The following FASTKD1 variants were observed in gnomAD, a reference collection of about 807,000 sequenced individuals.
The protein encoded by FASTKD1 is FAST kinase domain-containing protein 1, mitochondrial.
A neutral mutation model predicts 90.9 loss-of-function variants in FASTKD1; 94 were observed. The observed-to-expected ratio is 1.03, with a 90% CI of 0.88 to 1.23. The LOEUF (loss-of-function observed/expected upper bound fraction) is 1.23. Among genes scored for constraint, FASTKD1 ranks in the 50% most tolerant of loss-of-function variants. The pLI is 0.00. For synonymous variants in FASTKD1, 319 were observed against 345.8 expected (o/e 0.92, Z 0.86); for missense variants, 945 against 993.5 (o/e 0.95, Z 0.66).
intron 5 of FASTKD1, among the ~76,000 whole-genome samples, chr2:169,557,658 T>C (rs1393429680): frequency 1.3e-5 from 2 of 152,222 alleles, no homozygotes; most frequent in African/African-American, 4.8e-5. Flanking sequence ...ACAGTTGATA[T>C]TCTGACAATT....
Position 169,538,161 on chromosome 2 carries a change from A to C in FASTKD1, c.1946-20T>G, listed in dbSNP as rs1684807034. ...ATAAAACTGAAATTAATAAAATACT[A>C]ATGAATTTTGATAGCTGAGACCTAG... On this transcript the variant is annotated intron_variant, in intron 10 of 14. Coordinates refer to ENST00000453153, the MANE Select transcript of FASTKD1 (RefSeq NM_024622.6). 6.3e-7 allele frequency: 1 copy of C among 1,579,910 alleles called. No individual in the cohort carries two copies. The highest frequency in any genetic ancestry group is 1.2e-5 in the South Asian group (1 of 84,476).
rs1309078449 is a variant in FASTKD1, at chr2:169,571,809, A to G, written c.221T>C (p.Met74Thr). The change falls in exon 2 of 15, where the codon ATG becomes ACG. Residue 74 changes from methionine (M) to threonine (T), a missense_variant. By Grantham distance (81) the Met-to-Thr change is moderately conservative. Transcript: ENST00000453153. ...SEKQVGCAFD[M>T]LWKLQKQKTS... is the part of the protein sequence containing the mutation. ...CTTCTGCTTTTGAAGCTTCCAAAGC[A>G]TATCAAATGCACATCCCACTTGCTT... 6 of 1,613,982 alleles carry G rather than the reference A, an allele frequency of 3.7e-6. No individual in the cohort carries two copies. The Admixed American group carries it at 5.0e-5, about 13-fold the overall frequency.
At position 169,529,034 on chromosome 2, in the gene FASTKD1, G is replaced by T. The variant is rs1329400732; in HGVS notation, c.*791C>A. ...CGATTTCATCTACTCTCATGGCATTGAATACTGCTGACATTTATACATTTA... is the reference window on the plus strand; with the variant it reads ...CGATTTCATCTACTCTCATGGCATTTAATACTGCTGACATTTATACATTTA... On this transcript the variant is annotated 3_prime_UTR_variant, in exon 15 of 15. Transcript: ENST00000453153. Among the ~76,000 whole-genome samples the T allele has an allele frequency of 2.6e-5, 4 of 152,048 alleles. No homozygotes were observed. In the South Asian group the frequency reaches 6.2e-4, roughly 24 times the overall value.
chr2:169,546,830 A>G, intron 7 of FASTKD1, 126 bp from the exon 8 acceptor site: 7 of 941,080 alleles, frequency 7.4e-6, no homozygotes, highest in East Asian at 2.7e-5. Flanking sequence ...CTTTCAAACT[A>G]TGTTTCTCCT....
Position 169,529,780 on chromosome 2 carries a change from A to G in FASTKD1, c.*45T>C, listed in dbSNP as rs777996597. On this transcript the variant is annotated 3_prime_UTR_variant, in exon 15 of 15. Transcript: ENST00000453153. Reference sequence around the variant, plus strand: ...AATTGAGACAGGCCACTTTATTAAAATAGGTCCAAATGTAACACACGATAA... The same window carrying G: ...AATTGAGACAGGCCACTTTATTAAAGTAGGTCCAAATGTAACACACGATAA... The G allele has an allele frequency of 2.2e-6, 3 of 1,379,476 alleles. No individual in the cohort carries two copies. Among genetic ancestry groups the G allele is most frequent in the Middle Eastern group, 1.9e-4 (1 of 5,400 alleles). 85.5% of individuals were successfully genotyped at this position (1,379,476 alleles called of 1,614,324 possible). A position where few individuals can be genotyped will look rare whatever the true frequency, so the allele number is the denominator to read the frequency against.
chr2:169,543,813 A>G (rs78042802), intron 9 of FASTKD1, among the ~76,000 whole-genome samples: 2 of 145,768 alleles, frequency 1.4e-5, no homozygotes, highest in Non-Finnish European at 3.0e-5. Context: ...AAAAGTTAAG[A>G]AAAAAAAAAA....
chr2:169,528,639 G>A lies in FASTKD1; in HGVS notation c.*1186C>T, dbSNP rs1172883843. ...TACCCCATTTCTTTGCTTCCATTTAGGAGAAAATGTATCTCCTCCCATTTT... is the reference window on the plus strand; with the variant it reads ...TACCCCATTTCTTTGCTTCCATTTAAGAGAAAATGTATCTCCTCCCATTTT... On this transcript the variant is annotated 3_prime_UTR_variant, in exon 15 of 15. Coordinates refer to ENST00000453153, the MANE Select transcript of FASTKD1 (RefSeq NM_024622.6). 6.6e-6 allele frequency among the ~76,000 whole-genome samples: 1 copy of A among 152,088 alleles called. No homozygotes were observed. Among genetic ancestry groups the A allele is most frequent in the Non-Finnish European group, 1.5e-5 (1 of 68,024 alleles).
At chr2:169,546,746 C>A (rs781066238) in intron 7 of FASTKD1, 42 bp from the exon 8 acceptor site, 80 of 1,539,264 alleles carry the variant, frequency 5.2e-5, no homozygotes, top group Non-Finnish European at 6.7e-5. Flanking sequence ...GCAACAAACC[C>A]AAAATATATA....
At chr2:169,548,647 G>A (rs538236726) in intron 7 of FASTKD1, among the ~76,000 whole-genome samples, 4 of 146,298 alleles carry the variant, frequency 2.7e-5, no homozygotes, top group East Asian at 4.2e-4. Context: ...CATGAGAATC[G>A]CTTGAACCCG....
At chr2:169,542,247 C>T (rs1456674494) in intron 9 of FASTKD1, among the ~76,000 whole-genome samples, 1 of 152,154 alleles carries the variant, frequency 6.6e-6, no homozygotes, top group African/African-American at 2.4e-5. Flanking sequence ...CCTGTATCTC[C>T]AGCGCCTAGA....
intron 7 of FASTKD1, among the ~76,000 whole-genome samples, chr2:169,553,467 AGAT>A: frequency 6.6e-6 from 1 of 152,244 alleles, no homozygotes; most frequent in African/African-American, 2.4e-5. Flanking sequence ...TTCAAGAAAA[AGAT>A]AAACTTTCTT....
chr2:169,557,422 T>C (rs1047144764), intron 5 of FASTKD1, 125 bp from the exon 6 acceptor site: 40 of 532,136 alleles, frequency 7.5e-5, no homozygotes, highest in Non-Finnish European at 1.2e-4. Flanking sequence ...ATCCAATATA[T>C]AATTCTAGTG....
intron 2 of FASTKD1, chr2:169,571,233 G>A (rs951783196): frequency 6.6e-6 from 1 of 152,590 alleles, no homozygotes; most frequent in Admixed American, 6.6e-5. Flanking sequence ...TAGATTATCA[G>A]GAAAACTACT....
intron 6 of FASTKD1, 79 bp downstream of exon 6, chr2:169,557,108 G>T: frequency 1.1e-6 from 1 of 898,938 alleles, no homozygotes; most frequent in Non-Finnish European, 1.8e-6. Context: ...GATTAAAGAA[G>T]AAAACCATTT....
At position 169,544,739 on chromosome 2, in the gene FASTKD1, GT is replaced by G; in HGVS notation, c.1797del (p.Gln599HisfsTer7). On this transcript the variant is annotated frameshift_variant, in exon 9 of 15. Coordinates refer to ENST00000453153, the MANE Select transcript of FASTKD1 (RefSeq NM_024622.6). LOFTEE classifies it high-confidence loss of function. ...QRDEFLGTCV[Q>X]HLNSYLGILD... is the part of the protein sequence containing the mutation. ...TACCTACCTAAGTAAGAATTAAGATGTTGCACGCAAGTTCCCAAAAATTCAT... is the reference window on the plus strand; with the variant it reads ...TACCTACCTAAGTAAGAATTAAGATGTGCACGCAAGTTCCCAAAAATTCAT... 1 of 1,595,556 alleles carries G rather than the reference GT, an allele frequency of 6.3e-7. No individual in the cohort carries two copies. The highest frequency in any genetic ancestry group is 8.6e-7 in the Non-Finnish European group (1 of 1,163,552).
intron 12 of FASTKD1, among the ~76,000 whole-genome samples, chr2:169,535,897 A>G (rs1684703780): frequency 6.6e-6 from 1 of 152,194 alleles, no homozygotes; most frequent in Non-Finnish European, 1.5e-5. Context: ...TCTTCTACTT[A>G]ACAATCCTTC....
chr2:169,551,586 C>T (rs1685491089), intron 7 of FASTKD1, among the ~76,000 whole-genome samples: 1 of 152,114 alleles, frequency 6.6e-6, no homozygotes, highest in Admixed American at 6.5e-5. Flanking sequence ...TACTTGAGCA[C>T]AGGAGTTTGG....
At chr2:169,537,581 T>C (rs535305328) in intron 11 of FASTKD1, among the ~76,000 whole-genome samples, 1 of 152,136 alleles carries the variant, frequency 6.6e-6, no homozygotes, top group South Asian at 2.1e-4. Context: ...ATGGGGTTTC[T>C]CCATGTTGGT....
intron 8 of FASTKD1, 53 bp downstream of exon 8, chr2:169,546,165 G>A (rs1685180458): frequency 2.0e-6 from 3 of 1,482,342 alleles, no homozygotes; most frequent in South Asian, 2.9e-5. Flanking sequence ...TAAAAATTAT[G>A]CTTGCAGAAG....
Sources: gnomAD v4.1 joint callset for allele counts (sites outside exome capture counted in the v4.1 genomes callset) on GRCh38, gnomAD v4.1.1 for gene constraint, MANE v1.5 for transcripts, NCBI Gene and HGNC (gene_info 2026-07-23, HGNC 2026-07-21) for gene names.